MYO3A: variants seen among roughly 807,000 people sequenced by gnomAD.
The protein encoded by MYO3A is myosin-IIIa.
In MYO3A, 180 loss-of-function variants were observed where a neutral mutation model predicts 192.7. The ratio of observed to expected loss-of-function variants is 0.93; its 90% CI spans 0.83 to 1.06. MYO3A has a LOEUF of 1.06. Among genes scored for constraint, MYO3A ranks in the 50% least tolerant of loss-of-function variants. The probability of loss-of-function intolerance (pLI) is 0.00; values close to 1 mark genes in which losing one functional copy is unlikely to be tolerated. For synonymous variants in MYO3A, 628 were observed against 645.3 expected (o/e 0.97, Z 0.41); for missense variants, 1,896 against 1,905.0 (o/e 1.00, Z 0.09).
At chr10:26,002,720 A>ATCGGAATGAGTCAGGGTGGAGC (rs1554800230) in intron 6 of MYO3A, among the ~76,000 whole-genome samples, 1 of 147,632 alleles carries the variant, frequency 6.8e-6, no homozygotes, top group Non-Finnish European at 1.5e-5. Flanking sequence ...GTAATTGAAA[A>ATCGGAATGAGTCAGGGTGGAGC]AGGTTGCTTT....
At chr10:26,124,868 TGTACATGAATGTCAAGTATAA>T (rs936548556) in intron 18 of MYO3A, among the ~76,000 whole-genome samples, 3 of 152,232 alleles carry the variant, frequency 2.0e-5, no homozygotes, top group African/African-American at 7.2e-5. Context: ...TAGGATGATA[TGTACATGAATGTCAAGTATAA>T]GTACATGAAT....
chr10:26,130,220 T>C (rs1433594809), intron 20 of MYO3A, among the ~76,000 whole-genome samples: 5 of 152,060 alleles, frequency 3.3e-5, no homozygotes, highest in Non-Finnish European at 7.4e-5. Context: ...TCCTTCTGCC[T>C]CAGCCTCCCA....
chr10:26,164,259 T>C (rs1841620567), intron 26 of MYO3A, among the ~76,000 whole-genome samples: 1 of 152,132 alleles, frequency 6.6e-6, no homozygotes, highest in Non-Finnish European at 1.5e-5. Flanking sequence ...GTGTTTGCTT[T>C]GTAACAACAC....
chr10:25,966,606 T>C (rs1284325413), intron 4 of MYO3A, among the ~76,000 whole-genome samples: 8 of 152,212 alleles, frequency 5.3e-5, no homozygotes, highest in Admixed American at 5.2e-4. Flanking sequence ...TTTAGTACCT[T>C]TATTCTTTGA....
At chr10:26,210,769 T>G (rs1844186978) in intron 34 of MYO3A, among the ~76,000 whole-genome samples, 1 of 152,172 alleles carries the variant, frequency 6.6e-6, no homozygotes, top group Admixed American at 6.5e-5. Flanking sequence ...GCTTACTCTT[T>G]TCAAGCCACA....
chr10:26,171,013 G>A (rs973473774), intron 29 of MYO3A, among the ~76,000 whole-genome samples: 7 of 152,136 alleles, frequency 4.6e-5, no homozygotes, highest in Admixed American at 1.3e-4. Flanking sequence ...CTGGGCAGTG[G>A]GGACACAGAT....
At chr10:26,026,289 G>T (rs980191110) in intron 9 of MYO3A, 88 bp from the exon 10 acceptor site, 6 of 1,466,020 alleles carry the variant, frequency 4.1e-6, no homozygotes, top group Non-Finnish European at 5.6e-6. Flanking sequence ...CATCACTCTC[G>T]TGTGTTAGAT....
chr10:26,064,526 T>A (rs1834695317), intron 10 of MYO3A, among the ~76,000 whole-genome samples: 1 of 151,166 alleles, frequency 6.6e-6, no homozygotes, highest in Non-Finnish European at 1.5e-5. Context: ...TCAGGAACTT[T>A]GAGCAGAGTA....
intron 4 of MYO3A, among the ~76,000 whole-genome samples, chr10:25,968,713 A>T (rs1746697226): frequency 6.6e-6 from 1 of 152,220 alleles, no homozygotes; most frequent in African/African-American, 2.4e-5. Flanking sequence ...GAAAATATTA[A>T]ATGGGAAATT....
Position 26,188,357 on chromosome 10 carries a change from A to C in MYO3A, c.4439-4848A>C, listed in dbSNP as rs529035878. Among the ~76,000 whole-genome samples, 551 of 151,790 alleles carry C rather than the reference A, an allele frequency of 3.6e-3. 3 individuals carry two copies. Among genetic ancestry groups the C allele is most frequent in the African/African-American group, 0.013 (524 of 41,350 alleles). The stretch of plus-strand genomic sequence containing the variant: ...TGGGGTTGTTTGTTTTTTTCTTGTA[A>C]ATTTGTTTGAGTTCACTGTAGATTC... On this transcript the variant is annotated intron_variant, in intron 31 of 34. Transcript: ENST00000642920.
chr10:25,979,545 T>C (rs1464773372), intron 4 of MYO3A, among the ~76,000 whole-genome samples: 2 of 151,944 alleles, frequency 1.3e-5, no homozygotes, highest in Non-Finnish European at 2.9e-5. Flanking sequence ...AAACAATCTG[T>C]AGAAAACTAT....
intron 4 of MYO3A, among the ~76,000 whole-genome samples, chr10:25,983,876 C>G (rs967626221): frequency 1.3e-5 from 2 of 152,132 alleles, no homozygotes; most frequent in African/African-American, 4.8e-5. Flanking sequence ...ATCAGGTAAC[C>G]TATAAAAGAA....
At chr10:26,024,730 T>C (rs1842463045) in intron 9 of MYO3A, among the ~76,000 whole-genome samples, 2 of 152,220 alleles carry the variant, frequency 1.3e-5, no homozygotes, top group Admixed American at 1.3e-4. Context: ...TATGGAGTTG[T>C]AGATGCTTCC....
At chr10:25,944,279 A>G (rs1441025359) in intron 2 of MYO3A, among the ~76,000 whole-genome samples, 1 of 151,934 alleles carries the variant, frequency 6.6e-6, no homozygotes, top group Non-Finnish European at 1.5e-5. Context: ...TCCTTTTAAT[A>G]TGCTGTTGAA....
chr10:26,117,616 A>G lies in MYO3A; in HGVS notation c.1777-3060A>G, dbSNP rs141823997. 3.7e-4 allele frequency among the ~76,000 whole-genome samples: 57 copies of G among 152,032 alleles called. 1 individual carries two copies. Among genetic ancestry groups the G allele is most frequent in the African/African-American group, 1.3e-3 (56 of 41,484 alleles). On this transcript the variant is annotated intron_variant, in intron 17 of 34. Coordinates refer to ENST00000642920, the MANE Select transcript of MYO3A (RefSeq NM_017433.5). ...GTATTTGGTTTTCTGTTCCTGCGCT[A>G]TTTTGCTAAGGATAATGGCCTCCAG... is the stretch of plus-strand genomic sequence containing the variant.
intron 7 of MYO3A, among the ~76,000 whole-genome samples, 157 bp from the exon 8 acceptor site, chr10:26,021,346 T>A (rs758524908): frequency 2.0e-5 from 3 of 152,222 alleles, no homozygotes; most frequent in Non-Finnish European, 4.4e-5. Flanking sequence ...CCAATAATAA[T>A]TTGATCTTTT....
chr10:26,166,085 C>G lies in MYO3A; in HGVS notation c.3018C>G (p.Tyr1006Ter). The G allele has an allele frequency of 6.2e-7, 1 of 1,614,148 alleles. No individual in the cohort carries two copies. The highest frequency in any genetic ancestry group is 1.3e-5 in the African/African-American group (1 of 75,056). Residue 1006 changes from tyrosine (Y) to a stop codon, truncating the protein, a stop_gained, in exon 27 of 35, where the codon TAC becomes TAG. Transcript: ENST00000642920. LOFTEE classifies it high-confidence loss of function. ...TTCCAAGGTACTACCTTCTCTGCTA[C>G]AAGTCGAGCGAGGAGCCCCGCATGA... ...NFIKRYYLLC[Y>*]KSSEEPRMSP...
chr10:26,169,460 G>GA (rs72443477), intron 28 of MYO3A, among the ~76,000 whole-genome samples: 5 of 151,906 alleles, frequency 3.3e-5, no homozygotes, highest in South Asian at 2.1e-4. Context: ...GATACTTAGA[G>GA]AAAAAAAATG....
At chr10:26,030,465 C>A (rs1175426234) in intron 10 of MYO3A, among the ~76,000 whole-genome samples, 1 of 152,078 alleles carries the variant, frequency 6.6e-6, no homozygotes, top group Non-Finnish European at 1.5e-5. Context: ...ATTATCCTGC[C>A]CTCAGCATTC....
Sources: allele counts gnomAD v4.1 joint callset (sites outside exome capture counted in the v4.1 genomes callset), GRCh38; gene constraint gnomAD v4.1.1; transcripts MANE v1.5; gene names NCBI Gene and HGNC (gene_info 2026-07-23, HGNC 2026-07-21).